IFT88: variants seen among roughly 807,000 people sequenced by gnomAD.
IFT88 encodes intraflagellar transport 88, also known as intraflagellar transport protein 88 homolog.
In IFT88, 74 loss-of-function variants were observed where a neutral mutation model predicts 119.5. The observed-to-expected ratio is 0.62, with a 90% CI of 0.51 to 0.75. The LOEUF is 0.75. IFT88 is among the 30% of genes least tolerant of loss of function. IFT88 has a pLI of 0.00. For synonymous variants in IFT88, 279 were observed against 316.7 expected (o/e 0.88, Z 1.26); for missense variants, 961 against 977.7 (o/e 0.98, Z 0.23).
Position 20,625,867 on chromosome 13 carries a change from T to C in IFT88, c.1299+18T>C, listed in dbSNP as rs566998426. 1.7e-5 allele frequency: 23 copies of C among 1,377,246 alleles called. No homozygotes were observed. Among genetic ancestry groups the C allele is most frequent in the Non-Finnish European group, 2.2e-5 (22 of 993,338 alleles). 85.3% of individuals were successfully genotyped at this position (1,377,246 alleles called of 1,614,324 possible). On this transcript the variant is annotated intron_variant, in intron 15 of 25. Coordinates refer to ENST00000351808, the MANE Select transcript of IFT88 (RefSeq NM_006531.5). ...ATAACCAAGTAAGTTTTAAAAAAAA[T>C]TTTAGATGGAATTCCATATCTTAAT...
chr13:20,689,991 G>A (rs927013156), intron 24 of IFT88, among the ~76,000 whole-genome samples: 6 of 152,176 alleles, frequency 3.9e-5, no homozygotes, highest in Non-Finnish European at 8.8e-5. Context: ...AAATGGTAAG[G>A]TTTTGGATAA....
At chr13:20,609,131 G>C (rs2044020031) in intron 13 of IFT88, among the ~76,000 whole-genome samples, 1 of 152,066 alleles carries the variant, frequency 6.6e-6, no homozygotes, top group Non-Finnish European at 1.5e-5. Context: ...CTATGCGTTA[G>C]GACTGGCTTA....
intron 22 of IFT88, among the ~76,000 whole-genome samples, chr13:20,658,432 T>C (rs542048879): frequency 2.4e-4 from 36 of 152,308 alleles, no homozygotes; most frequent in African/African-American, 8.4e-4. Flanking sequence ...AGATTTTCAT[T>C]TAGATTTACA....
chr13:20,679,668 G>A (rs888746269), intron 24 of IFT88, among the ~76,000 whole-genome samples: 1 of 152,170 alleles, frequency 6.6e-6, no homozygotes, highest in African/African-American at 2.4e-5. Context: ...AACAGGAAAG[G>A]CGGACAGACA....
At chr13:20,644,587 C>A (rs1172703092) in intron 19 of IFT88, among the ~76,000 whole-genome samples, 1 of 151,836 alleles carries the variant, frequency 6.6e-6, no homozygotes, top group Non-Finnish European at 1.5e-5. Context: ...CTTTTTTATT[C>A]TTTTAAATAT....
chr13:20,610,396 G>A (rs996284870), intron 13 of IFT88, among the ~76,000 whole-genome samples: 3 of 152,046 alleles, frequency 2.0e-5, no homozygotes, highest in African/African-American at 7.2e-5. Flanking sequence ...TGCCTTCACC[G>A]AAGGCAGTCA....
chr13:20,603,430 G>A (rs2042934625), intron 12 of IFT88, among the ~76,000 whole-genome samples: 1 of 151,478 alleles, frequency 6.6e-6, no homozygotes, highest in South Asian at 2.1e-4. Flanking sequence ...TAGCATAGCA[G>A]AGTATAGGCT....
chr13:20,689,552 C>G (rs749212327), intron 24 of IFT88, among the ~76,000 whole-genome samples: 3 of 151,996 alleles, frequency 2.0e-5, no homozygotes, highest in Non-Finnish European at 4.4e-5. Flanking sequence ...CTGTGTATGC[C>G]CTTGCCCTTC....
intron 15 of IFT88, among the ~76,000 whole-genome samples, chr13:20,629,378 A>G (rs1278515226): frequency 1.3e-5 from 2 of 152,192 alleles, no homozygotes; most frequent in South Asian, 2.1e-4. Flanking sequence ...ACTTGTGGCA[A>G]TGTTATAAGA....
chr13:20,599,603 A>C (rs2042274092), intron 11 of IFT88, 38 bp downstream of exon 11: 1 of 948,650 alleles, frequency 1.1e-6, no homozygotes, highest in East Asian at 2.7e-5. Flanking sequence ...GTAAAATTTA[A>C]GTGTTTTTCT....
At chr13:20,678,822 G>A (rs2056994717) in intron 24 of IFT88, among the ~76,000 whole-genome samples, 2 of 152,108 alleles carry the variant, frequency 1.3e-5, no homozygotes, top group Non-Finnish European at 2.9e-5. Context: ...TTGTCACGGT[G>A]GGCTACTTCT....
At chr13:20,674,714 A>ATGTTTTTTTTTTTTT (rs1566450108) in intron 24 of IFT88, among the ~76,000 whole-genome samples, 1 of 36,990 alleles carries the variant, frequency 2.7e-5, no homozygotes, top group African/African-American at 9.2e-5. Context: ...ATATATATAT[A>ATGTTTTTTTTTTTTT]TATATATATA....
rs767372849 is a variant in IFT88, at chr13:20,653,900, G to A, written c.1974G>A (p.Leu658=). The change falls in exon 21 of 26, where the codon CTG becomes CTA. Residue 658 remains leucine, a synonymous_variant. Transcript: ENST00000351808. ...LIQPTQVKWQ[L]MVASCFRRSG... ...GGCCTACACAAGTGAAATGGCAGCT[G>A]ATGGTAGCTAGTTGTTTCAGAAGAA... 1 of 1,585,288 alleles carries A rather than the reference G, an allele frequency of 6.3e-7. No individual in the cohort carries two copies. Among genetic ancestry groups the A allele is most frequent in the East Asian group, 2.3e-5 (1 of 44,106 alleles).
Position 20,628,832 on chromosome 13 carries a change from A to G in IFT88, c.1300-2184A>G, listed in dbSNP as rs187746321. Among the ~76,000 whole-genome samples, 704 of 152,282 alleles carry G rather than the reference A, an allele frequency of 4.6e-3. 4 individuals are homozygous for G. The highest frequency in any genetic ancestry group is 0.013 in the South Asian group (62 of 4,824). On this transcript the variant is annotated intron_variant, in intron 15 of 25. Transcript: ENST00000351808. ...GATTGCACTGCTTTTTGGATTCATA[A>G]TAACCATTTTGGGAGAAAATAGATT... is the stretch of plus-strand genomic sequence containing the variant.
At chr13:20,591,044 A>G (rs1000124465) in intron 5 of IFT88, 24 bp downstream of exon 5, 3 of 1,560,948 alleles carry the variant, frequency 1.9e-6, no homozygotes, top group Non-Finnish European at 2.6e-6. Context: ...ATGCATGTTC[A>G]TTTTGTGCCT....
chr13:20,597,474 G>A (rs979776502), intron 9 of IFT88, among the ~76,000 whole-genome samples: 14 of 152,060 alleles, frequency 9.2e-5, no homozygotes, highest in African/African-American at 2.4e-4. Context: ...GCCGGGTGCC[G>A]TGGCTCACGC....
intron 20 of IFT88, 112 bp from the exon 21 acceptor site, chr13:20,653,764 T>G (rs1488319614): frequency 7.8e-6 from 4 of 515,462 alleles, no homozygotes; most frequent in African/African-American, 3.9e-5. Flanking sequence ...TAATAAAAAT[T>G]ATCTAACAAA....
chr13:20,663,237 A>G (rs1456115237), intron 22 of IFT88: 1 of 1,420,344 alleles, frequency 7.0e-7, no homozygotes, highest in South Asian at 1.2e-5. Context: ...CTCTGCCAGC[A>G]GTGTCCTGTG....
intron 7 of IFT88, among the ~76,000 whole-genome samples, chr13:20,594,180 C>G (rs571438399): frequency 2.6e-5 from 4 of 152,144 alleles, no homozygotes; most frequent in Non-Finnish European, 5.9e-5. Flanking sequence ...GTAACATCAT[C>G]CCTGGTCCAG....
Sources: allele counts gnomAD v4.1 joint callset (sites outside exome capture counted in the v4.1 genomes callset), GRCh38; gene constraint gnomAD v4.1.1; transcripts MANE v1.5; gene names NCBI Gene and HGNC (gene_info 2026-07-23, HGNC 2026-07-21).